The following GRIK2 variants were observed in gnomAD, a reference collection of about 807,000 sequenced individuals.
The protein encoded by GRIK2 is glutamate ionotropic receptor kainate type subunit 2.
Under a neutral mutation model 100.3 loss-of-function variants are expected in GRIK2, and 32 were observed. The observed-to-expected ratio is 0.32, with a 90% CI of 0.24 to 0.43. The LOEUF (loss-of-function observed/expected upper bound fraction) is 0.43, where lower values mean the gene tolerates loss of function less well. Among genes scored for constraint, GRIK2 ranks in the 20% least tolerant of loss-of-function variants. The probability of loss-of-function intolerance (pLI) is 1.00; values close to 1 mark genes in which losing one functional copy is unlikely to be tolerated. For missense variants in GRIK2, 843 were observed against 1,114.9 expected, an observed-to-expected ratio of 0.76 and a Z score of 3.47; for synonymous variants, 417 against 389.4, an observed-to-expected ratio of 1.07 and a Z score of -0.83.
intron 11 of GRIK2, among the ~76,000 whole-genome samples, chr6:101,873,878 G>C (rs1303405061): frequency 2.0e-5 from 3 of 152,136 alleles, no homozygotes; most frequent in Non-Finnish European, 4.4e-5. Context: ...GTGTCTTTTG[G>C]CTGCATAAAT....
At chr6:101,837,054 T>G (rs1783173653) in intron 10 of GRIK2, among the ~76,000 whole-genome samples, 1 of 152,168 alleles carries the variant, frequency 6.6e-6, no homozygotes, top group African/African-American at 2.4e-5. Context: ...TCTTGAGATA[T>G]TTTCTTAACA....
intron 15 of GRIK2, among the ~76,000 whole-genome samples, chr6:102,046,160 C>G (rs187755794): frequency 1.1e-4 from 16 of 151,790 alleles, no homozygotes; most frequent in Admixed American, 2.0e-4. Flanking sequence ...TATATATGCA[C>G]CAAATATTGA....
chr6:102,063,827 C>G (rs544915525), intron 16 of GRIK2: 40 of 500,866 alleles, frequency 8.0e-5, no homozygotes, highest in African/African-American at 5.7e-4. Flanking sequence ...ATTTCCAGAT[C>G]TACATTGTTT....
chr6:101,951,357 A>G (rs1368816504), intron 14 of GRIK2, among the ~76,000 whole-genome samples: 1 of 152,182 alleles, frequency 6.6e-6, no homozygotes. Flanking sequence ...TCTTTCAACT[A>G]TCTGTTACCA....
At chr6:101,642,847 C>T (rs1044148970) in intron 4 of GRIK2, among the ~76,000 whole-genome samples, 4 of 151,556 alleles carry the variant, frequency 2.6e-5, no homozygotes, top group Non-Finnish European at 5.9e-5. Flanking sequence ...ATCATTCCTA[C>T]CAACAGTGCA....
At chr6:102,006,141 T>C (rs1197485359) in intron 14 of GRIK2, among the ~76,000 whole-genome samples, 2 of 151,970 alleles carry the variant, frequency 1.3e-5, no homozygotes, top group Non-Finnish European at 2.9e-5. Context: ...ATTTAGCCCA[T>C]AGCACCAAGA....
At chr6:101,902,346 A>G (rs1787904272) in intron 12 of GRIK2, among the ~76,000 whole-genome samples, 1 of 152,002 alleles carries the variant, frequency 6.6e-6, no homozygotes, top group African/African-American at 2.4e-5. Context: ...ACATACAAAT[A>G]TACACAATGT....
intron 3 of GRIK2, 106 bp from the exon 4 acceptor site, chr6:101,626,274 A>G (rs1582849225): frequency 9.5e-7 from 1 of 1,057,352 alleles, no homozygotes; most frequent in African/African-American, 1.6e-5. Flanking sequence ...AAAAACACAA[A>G]TCTTTCTTGA....
rs189841468 is a variant in GRIK2, at chr6:101,698,964, C to T, written c.951+12611C>T. The stretch of plus-strand genomic sequence containing the variant: ...GTTCACTCCCTTTGTAGTTACCTCA[C>T]TGGACTTGGATAAAATTCTACATTC... On this transcript the variant is annotated intron_variant, in intron 7 of 16. Transcript: ENST00000369134. Among the ~76,000 whole-genome samples the T allele has an allele frequency of 1.6e-4, 25 of 152,244 alleles. No homozygotes were observed. In the East Asian group the frequency reaches 3.7e-3, roughly 22 times the overall value.
intron 2 of GRIK2, among the ~76,000 whole-genome samples, chr6:101,407,759 C>T (rs995744069): frequency 1.3e-5 from 2 of 152,138 alleles, no homozygotes; most frequent in Non-Finnish European, 2.9e-5. Context: ...TAAGACTTAG[C>T]TTCTGATATT....
intron 2 of GRIK2, among the ~76,000 whole-genome samples, chr6:101,429,163 G>A (rs1769234023): frequency 6.6e-6 from 1 of 152,120 alleles, no homozygotes; most frequent in African/African-American, 2.4e-5. Context: ...CATATGAACT[G>A]AACCGGATCT....
intron 2 of GRIK2, among the ~76,000 whole-genome samples, chr6:101,404,828 G>A (rs997635426): frequency 6.6e-6 from 1 of 152,162 alleles, no homozygotes; most frequent in African/African-American, 2.4e-5. Flanking sequence ...CATGAAAAGT[G>A]AGGTCAGAAA....
At chr6:101,589,372 T>C (rs1036366365) in intron 2 of GRIK2, among the ~76,000 whole-genome samples, 3 of 152,152 alleles carry the variant, frequency 2.0e-5, no homozygotes, top group South Asian at 2.1e-4. Context: ...ATAGCCACCA[T>C]GTTGCACAAT....
At chr6:101,445,185 T>C (rs1770306800) in intron 2 of GRIK2, among the ~76,000 whole-genome samples, 1 of 152,108 alleles carries the variant, frequency 6.6e-6, no homozygotes, top group Non-Finnish European at 1.5e-5. Context: ...CTCAATGGCT[T>C]TCTCTTGCCA....
rs558043496 is a variant in GRIK2 at position 102,017,818 on chromosome 6, T to G, written c.2086-17523T>G. On this transcript the variant is annotated intron_variant, in intron 14 of 16. Coordinates refer to ENST00000369134, the MANE Select transcript of GRIK2 (RefSeq NM_021956.5). ...TCCTCAGGTGTGTCCCGTCTACTAC[T>G]AAAACCATGAAAGTCTCATTATTCA... 2.0e-5 allele frequency among the ~76,000 whole-genome samples: 3 copies of G among 152,310 alleles called. No individual in the cohort carries two copies. In the East Asian group the frequency reaches 5.8e-4, roughly 29 times the overall value.
intron 10 of GRIK2, among the ~76,000 whole-genome samples, chr6:101,832,893 T>G (rs926890197): frequency 2.0e-5 from 3 of 152,166 alleles, no homozygotes; most frequent in African/African-American, 7.2e-5. Flanking sequence ...AATATTTGCT[T>G]CATCTCAACT....
intron 2 of GRIK2, among the ~76,000 whole-genome samples, chr6:101,405,247 T>G (rs1290473223): frequency 2.0e-5 from 3 of 152,204 alleles, no homozygotes; most frequent in African/African-American, 7.2e-5. Context: ...CAAGATTTAA[T>G]GTAGGTTAAA....
intron 14 of GRIK2, among the ~76,000 whole-genome samples, chr6:101,945,989 T>C (rs1200831214): frequency 6.6e-6 from 1 of 150,958 alleles, no homozygotes; most frequent in African/African-American, 2.4e-5. Context: ...TTATTAATCA[T>C]AATCTTTAAT....
chr6:101,565,976 G>C (rs1777251100), intron 2 of GRIK2, among the ~76,000 whole-genome samples: 1 of 136,832 alleles, frequency 7.3e-6, no homozygotes, highest in Admixed American at 7.5e-5. Flanking sequence ...CTAGAGAAAA[G>C]AAACTGTTAT....
Sources: gnomAD v4.1 joint callset for allele counts (sites outside exome capture counted in the v4.1 genomes callset) on GRCh38, gnomAD v4.1.1 for gene constraint, MANE v1.5 for transcripts, NCBI Gene and HGNC (gene_info 2026-07-23, HGNC 2026-07-21) for gene names.